Variants in ASMT observed in about 807,000 individuals in gnomAD.
The protein encoded by ASMT is acetylserotonin O-methyltransferase.
Under a neutral mutation model 41.3 loss-of-function variants are expected in ASMT, and 53 were observed. The ratio of observed to expected loss-of-function variants is 1.28; its 90% CI spans 1.03 to 1.61. The LOEUF is 1.61. Among genes scored for constraint, ASMT ranks in the 40% most tolerant of loss-of-function variants. The pLI, the probability that ASMT is intolerant of heterozygous loss-of-function variation, is 0.00. For missense variants in ASMT, 531 were observed against 441.3 expected, an observed-to-expected ratio of 1.20 and a Z score of -1.82; for synonymous variants, 231 against 184.8, an observed-to-expected ratio of 1.25 and a Z score of -2.03.
In ASMT at chrX:1,617,561, G is replaced by C. The variant is rs781552681; in HGVS notation, c.69+2293G>C. Among the ~76,000 whole-genome samples the C allele has an allele frequency of 7.9e-5, 12 of 152,134 alleles. No individual in the cohort carries two copies. In the East Asian group the frequency reaches 1.7e-3, roughly 22 times the overall value. ...GTCTGCAGCAGCTCTCGTGTGACTT[G>C]AAAATATCTGTGGTTTCTCTCCGTC... On this transcript the variant is annotated intron_variant, in intron 1 of 8. Transcript: ENST00000381241.
Position 1,636,497 on chromosome X carries a change from C to G in ASMT, c.847C>G (p.His283Asp), listed in dbSNP as rs141945490. Residue 283 changes from histidine to aspartate, a missense_variant, in exon 8 of 9, where the codon CAT (histidine) becomes GAT (aspartate). By Grantham distance (81) the His-to-Asp change is moderately conservative (BLOSUM62 -1). Transcript: ENST00000381241. ...TCTGTACATCCTGGCCAGGGTCCTC[C>G]ATGACTGGGCAGACGGAAAGTGCTC... Reference protein sequence around the residue: ...ADLYILARVLHDWADGKCSHL... With the variant: ...ADLYILARVLDDWADGKCSHL... 4.3e-6 allele frequency: 7 copies of G among 1,613,790 alleles called. No homozygotes were observed. In the African/African-American group the frequency reaches 6.7e-5, roughly 15 times the overall value.
At chrX:1,633,093 T>G (rs1934837896) in intron 6 of ASMT, 57 bp from the exon 7 acceptor site, 1 of 1,609,792 alleles carries the variant, frequency 6.2e-7, no homozygotes, top group Non-Finnish European at 8.5e-7. Flanking sequence ...GTGTGGAGGG[T>G]GAGCGATGTC....
chrX:1,642,269 G>A (rs370872877), intron 8 of ASMT, among the ~76,000 whole-genome samples: 2,764 of 150,594 alleles, frequency 0.018, 77 homozygotes, highest in African/African-American at 0.064. Flanking sequence ...GCCTCTGTGT[G>A]TGTGATGGGG....
chrX:1,642,991 G>T lies in ASMT; in HGVS notation c.1099G>T (p.Asp367Tyr). The change falls in exon 9 of 9, where the codon GAT becomes TAT. Residue 367 changes from aspartate to tyrosine, a missense_variant. Transcript: ENST00000381241. ...FQFKKTGAIY[D>Y]AILARK ...GTTTAAGAAAACAGGAGCCATTTATGATGCCATTTTAGCCAGGAAATAACT... is the reference window on the plus strand; with the variant it reads ...GTTTAAGAAAACAGGAGCCATTTATTATGCCATTTTAGCCAGGAAATAACT... The T allele has an allele frequency of 6.2e-7, 1 of 1,613,948 alleles. No homozygotes were observed. The highest frequency in any genetic ancestry group is 8.5e-7 in the Non-Finnish European group (1 of 1,179,864).
chrX:1,625,899 G>A (rs1234401747), intron 3 of ASMT, among the ~76,000 whole-genome samples: 1 of 146,586 alleles, frequency 6.8e-6, no homozygotes, highest in Non-Finnish European at 1.5e-5. Flanking sequence ...AGGTTGCAGT[G>A]AGCCAAGATC....
intron 1 of ASMT, among the ~76,000 whole-genome samples, chrX:1,621,301 G>T (rs1164594899): frequency 6.6e-6 from 1 of 152,028 alleles, no homozygotes; most frequent in Non-Finnish European, 1.5e-5. Context: ...GAAAAGAAAT[G>T]CATGGATGAT....
intron 1 of ASMT, among the ~76,000 whole-genome samples, chrX:1,619,280 G>C (rs1489678100): frequency 6.6e-6 from 1 of 151,556 alleles, no homozygotes; most frequent in East Asian, 1.9e-4. Context: ...TGTAGTACCA[G>C]CTACTTGGGA....
chrX:1,615,137 C>G lies in ASMT; in HGVS notation c.-63C>G, dbSNP rs749254860. ...GGCTCTTCCCCACCTTGCCAGCAGG[C>G]TCTGTGCTCCTTGAAGCAAGCGCTC... On this transcript the variant is annotated 5_prime_UTR_variant, in exon 1 of 9. Transcript: ENST00000381241. 1.8e-5 allele frequency: 27 copies of G among 1,481,748 alleles called. No individual in the cohort carries two copies. The African/African-American group carries it at 2.5e-4, about 14-fold the overall frequency. 91.8% of individuals were successfully genotyped at this position (1,481,748 alleles called of 1,614,324 possible).
chrX:1,642,688 G>C, intron 8 of ASMT, 115 bp from the exon 9 acceptor site: 1 of 923,292 alleles, frequency 1.1e-6, no homozygotes, highest in East Asian at 2.4e-5. Context: ...GTGTGTGATG[G>C]GGACGGTGCC....
intron 3 of ASMT, among the ~76,000 whole-genome samples, chrX:1,626,459 T>G (rs1934552604): frequency 6.6e-6 from 1 of 152,052 alleles, no homozygotes; most frequent in African/African-American, 2.4e-5. Context: ...CTCCAACTCC[T>G]GAGCTCAGGC....
rs750312951 is a variant in ASMT, at chrX:1,643,013, A to G, written c.1121A>G (p.Ter374=). 6.2e-7 allele frequency: 1 copy of G among 1,613,808 alleles called. No homozygotes were observed. The highest frequency in any genetic ancestry group is 1.3e-5 in the African/African-American group (1 of 74,920). ...AIYDAILARK[*] ...TATGATGCCATTTTAGCCAGGAAATAACTGTTTCTTGTGACCTGGAACTAA... is the reference window on the plus strand; with the variant it reads ...TATGATGCCATTTTAGCCAGGAAATGACTGTTTCTTGTGACCTGGAACTAA... The change falls in exon 9 of 9, where the codon TAA becomes TGA. Residue 374 remains the stop codon, a stop_retained_variant. Coordinates refer to ENST00000381241, the MANE Select transcript of ASMT (RefSeq NM_001171038.2).
rs772503026 is a variant in ASMT, at chrX:1,636,537, G to C, written c.887G>C (p.Arg296Thr). The stretch of plus-strand genomic sequence containing the variant: ...GGAAAGTGCTCACACCTGCTGGAGA[G>C]GATCTACCACACTTGCAAGCCAGGT... The part of the protein sequence containing the change: ...ADGKCSHLLE[R>T]IYHTCKPGGG... Residue 296 changes from arginine (R) to threonine (T), a missense_variant, in exon 8 of 9, where the codon AGG becomes ACG. Transcript: ENST00000381241. 2 of 1,613,482 alleles carry C rather than the reference G, an allele frequency of 1.2e-6. No individual in the cohort carries two copies. The highest frequency in any genetic ancestry group is 4.5e-5 in the East Asian group (2 of 44,876).
intron 1 of ASMT, among the ~76,000 whole-genome samples, chrX:1,616,860 C>T (rs1263624726): frequency 2.0e-5 from 3 of 151,836 alleles, no homozygotes; most frequent in Non-Finnish European, 4.4e-5. Context: ...AGGCACCCGC[C>T]ACCACGCCCG....
chrX:1,631,875 C>T (rs111708663), intron 5 of ASMT, among the ~76,000 whole-genome samples: 17 of 152,200 alleles, frequency 1.1e-4, no homozygotes, highest in East Asian at 5.8e-4. Flanking sequence ...GGGTGAAACC[C>T]GGTCTCTACT....
intron 2 of ASMT, 34 bp from the exon 3 acceptor site, chrX:1,624,235 C>T: frequency 6.2e-7 from 1 of 1,613,736 alleles, no homozygotes; most frequent in Non-Finnish European, 8.5e-7. Flanking sequence ...CGGAATCTCA[C>T]TGCTTTTTCC....
At chrX:1,628,308 T>G (rs1202496585) in intron 4 of ASMT, among the ~76,000 whole-genome samples, 6 of 151,926 alleles carry the variant, frequency 3.9e-5, no homozygotes, top group African/African-American at 1.4e-4. Flanking sequence ...GCAACAAGAG[T>G]GAAACTCCAT....
At position 1,642,413 on chromosome X, in the gene ASMT, C is replaced by A. The variant is rs773774472; in HGVS notation, c.911-390C>A. ...CACCCATCCTGATGGTTCATGAGGA[C>A]GTGGGCTCAGCCTCTGTGTGTAATG... On this transcript the variant is annotated intron_variant, in intron 8 of 8. Transcript: ENST00000381241. Among the ~76,000 whole-genome samples, 312 of 149,802 alleles carry A rather than the reference C, an allele frequency of 2.1e-3. No individual in the cohort carries two copies. In the Middle Eastern group the frequency reaches 0.025, roughly 12 times the overall value.
chrX:1,629,784 TC>T, intron 4 of ASMT, 36 bp from the exon 5 acceptor site: 1 of 1,599,314 alleles, frequency 6.3e-7, no homozygotes, highest in Non-Finnish European at 8.6e-7. Context: ...CGTCCCCAGA[TC>T]CTCACCATCT....
intron 1 of ASMT, among the ~76,000 whole-genome samples, chrX:1,615,914 A>G (rs1177940273): frequency 6.6e-6 from 1 of 151,756 alleles, no homozygotes; most frequent in Non-Finnish European, 1.5e-5. Flanking sequence ...TTTTTAAAAC[A>G]TTTCATGATA....
Sources: gnomAD v4.1 joint callset for allele counts (sites outside exome capture counted in the v4.1 genomes callset) on GRCh38, gnomAD v4.1.1 for gene constraint, MANE v1.5 for transcripts, NCBI Gene and HGNC (gene_info 2026-07-23, HGNC 2026-07-21) for gene names.